SLC7A11: variants seen among roughly 807,000 people sequenced by gnomAD.
SLC7A11 encodes the protein cystine/glutamate transporter.
A neutral mutation model predicts 54.5 loss-of-function variants in SLC7A11; 35 were observed. That is an observed-to-expected ratio of 0.64 (90% CI 0.49 to 0.85). The LOEUF (loss-of-function observed/expected upper bound fraction) is 0.85. Among genes scored for constraint, SLC7A11 ranks in the 40% least tolerant of loss-of-function variants. The pLI is 0.00. For synonymous variants in SLC7A11, 230 were observed against 225.2 expected (o/e 1.02, Z -0.19); for missense variants, 583 against 618.1 (o/e 0.94, Z 0.60).
chr4:138,185,622 G>A (rs1389967586), intron 6 of SLC7A11, among the ~76,000 whole-genome samples: 1 of 152,114 alleles, frequency 6.6e-6, no homozygotes, highest in Non-Finnish European at 1.5e-5. Flanking sequence ...AGTAGGATCT[G>A]CATTCCTTAT....
At chr4:138,241,709 C>T (rs1738383622) in intron 1 of SLC7A11, 84 bp downstream of exon 1, 7 of 1,175,492 alleles carry the variant, frequency 6.0e-6, no homozygotes, top group Non-Finnish European at 7.5e-6. Context: ...CCATTCACTC[C>T]TCAAAAACTA....
chr4:138,191,468 G>A (rs6852562), intron 6 of SLC7A11, among the ~76,000 whole-genome samples: 56,022 of 151,944 alleles, frequency 0.37, 10,811 homozygotes, highest in Middle Eastern at 0.52. Flanking sequence ...CTGCAGGGTT[G>A]AAGGAAGCTC....
At chr4:138,222,288 C>T (rs1357080622) in intron 4 of SLC7A11, among the ~76,000 whole-genome samples, 1 of 152,158 alleles carries the variant, frequency 6.6e-6, no homozygotes, top group African/African-American at 2.4e-5. Flanking sequence ...ATGATTTTAC[C>T]AAACGCTGGC....
At chr4:138,216,612 C>G (rs1737687067) in intron 5 of SLC7A11, among the ~76,000 whole-genome samples, 1 of 152,176 alleles carries the variant, frequency 6.6e-6, no homozygotes, top group Admixed American at 6.6e-5. Context: ...AAAGTTTCAG[C>G]ATTCCTCAGA....
At chr4:138,214,379 C>T (rs553110500) in intron 6 of SLC7A11, among the ~76,000 whole-genome samples, 1 of 150,960 alleles carries the variant, frequency 6.6e-6, no homozygotes, top group African/African-American at 2.4e-5. Context: ...TATAATTAAG[C>T]TATTTGTATA....
intron 4 of SLC7A11, among the ~76,000 whole-genome samples, chr4:138,222,921 CCACTT>C (rs1737850949): frequency 6.9e-6 from 1 of 144,684 alleles, no homozygotes; most frequent in Non-Finnish European, 1.5e-5. Context: ...TTTTTTTTTT[CCACTT>C]CGAGTTTTCA....
intron 1 of SLC7A11, among the ~76,000 whole-genome samples, chr4:138,237,693 T>C (rs1457896437): frequency 4.2e-4 from 34 of 80,354 alleles, no homozygotes; most frequent in Middle Eastern, 0.012. Context: ...CCACTGCGCC[T>C]AGCCAGAATA....
chr4:138,223,324 G>A lies in SLC7A11; in HGVS notation c.521C>T (p.Thr174Ile). ...CATGCTATTTAGGACCATCACTACAGCTGCAAACAAATAGAGGAAGTTACA... is the reference window on the plus strand; with the variant it reads ...CATGCTATTTAGGACCATCACTACAACTGCAAACAAATAGAGGAAGTTACA... ...AIKLITAVGI[T>I]VVMVLNSMSV... Residue 174 changes from threonine to isoleucine, a missense_variant and splice_region_variant, in exon 4 of 12, where the codon ACT (threonine) becomes ATT (isoleucine). Thr to Ile is a moderately conservative substitution (Grantham distance 89). Transcript: ENST00000280612. The A allele has an allele frequency of 2.5e-6, 4 of 1,612,848 alleles. No homozygotes were observed. The highest frequency in any genetic ancestry group is 3.4e-6 in the Non-Finnish European group (4 of 1,179,206).
At position 138,242,031 on chromosome 4, in the gene SLC7A11, TCC is replaced by T; in HGVS notation, c.37_38del (p.Gly13ArgfsTer8). ...RKPVVSTISK[G>X]GYLQGNVNGR... ...CGTTAACATTTCCCTGCAGGTAACCTCCTTTGGAGATGGTGGACACAACAGGC... is the reference window on the plus strand; with the variant it reads ...CGTTAACATTTCCCTGCAGGTAACCTTTTGGAGATGGTGGACACAACAGGC... On this transcript the variant is annotated frameshift_variant, in exon 1 of 12. Coordinates refer to ENST00000280612, the MANE Select transcript of SLC7A11 (RefSeq NM_014331.4). LOFTEE classifies it high-confidence loss of function. 6.2e-7 allele frequency: 1 copy of T among 1,613,980 alleles called. No individual in the cohort carries two copies. Among genetic ancestry groups the T allele is most frequent in the Non-Finnish European group, 8.5e-7 (1 of 1,179,920 alleles).
Position 138,236,372 on chromosome 4 carries a change from A to C in SLC7A11, c.357T>G (p.Gly119=), listed in dbSNP as rs1266999050. Residue 119 remains glycine (G), a synonymous_variant, in exon 2 of 12, where the codon GGT becomes GGG. Coordinates refer to ENST00000280612, the MANE Select transcript of SLC7A11 (RefSeq NM_014331.4). ...GHYTYILEVF[G]PLPAFVRVWV... ...AGACTCGTACAAAAGCTGGTAATGG[A>C]CCAAAGACTTCCAAAATATATGTGT... 6.2e-7 allele frequency: 1 copy of C among 1,613,618 alleles called. No individual in the cohort carries two copies.
At position 138,232,392 on chromosome 4, in the gene SLC7A11, A is replaced by AAT. The variant is rs1416956363; in HGVS notation, c.405-12_405-11dup. 6 of 1,510,684 alleles carry AAT rather than the reference A, an allele frequency of 4.0e-6. No homozygotes were observed. The highest frequency in any genetic ancestry group is 1.7e-5 in the Admixed American group (1 of 58,880). 93.6% of individuals were successfully genotyped at this position (1,510,684 alleles called of 1,614,324 possible). A position where few individuals can be genotyped will look rare whatever the true frequency, so the allele number is the denominator to read the frequency against. ...AGCAGTAGCTGCAGGGCTAAAAAAA[A>AAT]ATGTATATATTTAGGTTAACCACAG... On this transcript the variant is annotated splice_polypyrimidine_tract_variant and intron_variant, in intron 2 of 11. Transcript: ENST00000280612.
intron 3 of SLC7A11, among the ~76,000 whole-genome samples, chr4:138,223,830 T>A (rs896899062): frequency 3.3e-5 from 5 of 152,170 alleles, no homozygotes; most frequent in African/African-American, 9.7e-5. Context: ...GGCAGCACTT[T>A]TCTTTTGGTT....
Position 138,241,673 on chromosome 4 carries a change from T to C in SLC7A11, c.277+120A>G. 3.9e-6 allele frequency: 3 copies of C among 766,510 alleles called. No individual in the cohort carries two copies. In the South Asian group the frequency reaches 5.3e-5, roughly 14 times the overall value. 47.5% of individuals were successfully genotyped at this position (766,510 alleles called of 1,614,324 possible). On this transcript the variant is annotated intron_variant, in intron 1 of 11. Transcript: ENST00000280612. Reference sequence around the variant, plus strand: ...AGTTCACGTACCCGAACAAAAATTTTAAAAATTTGGTGTGGCCTTTGCCAT... The same window carrying C: ...AGTTCACGTACCCGAACAAAAATTTCAAAAATTTGGTGTGGCCTTTGCCAT...
At chr4:138,221,638 A>C (rs1737815102) in intron 4 of SLC7A11, among the ~76,000 whole-genome samples, 1 of 152,214 alleles carries the variant, frequency 6.6e-6, no homozygotes, top group South Asian at 2.1e-4. Flanking sequence ...TCTGTATTTT[A>C]GCCACTAAAA....
chr4:138,223,006 T>G (rs775047951), intron 4 of SLC7A11, among the ~76,000 whole-genome samples, 193 bp downstream of exon 4: 35 of 152,250 alleles, frequency 2.3e-4, no homozygotes, highest in Non-Finnish European at 4.4e-4. Flanking sequence ...TTAATCCTCT[T>G]TCTGCCATTC....
At chr4:138,217,225 C>T (rs995698742) in intron 5 of SLC7A11, among the ~76,000 whole-genome samples, 7 of 152,132 alleles carry the variant, frequency 4.6e-5, no homozygotes, top group African/African-American at 1.7e-4. Context: ...GATAACATTC[C>T]ATTTTAAATC....
intron 11 of SLC7A11, chr4:138,178,136 G>C (rs1188242771): frequency 6.6e-6 from 1 of 152,054 alleles, no homozygotes; most frequent in African/African-American, 2.4e-5. Flanking sequence ...TCCTACCTCA[G>C]TAGGATATTA....
chr4:138,203,629 G>T (rs1289961948), intron 6 of SLC7A11, among the ~76,000 whole-genome samples: 1 of 152,004 alleles, frequency 6.6e-6, no homozygotes, highest in African/African-American at 2.4e-5. Flanking sequence ...AATGATGCAG[G>T]TGTATGAGGC....
rs1736382772 is a variant in SLC7A11 at position 138,170,247 on chromosome 4, T to C, written c.*1709A>G. On this transcript the variant is annotated 3_prime_UTR_variant, in exon 12 of 12. Transcript: ENST00000280612. ...TATATATAAAAAGTGTGTGTGTGTG[T>C]GTGTATATATATATATATATATATA... The C allele has an allele frequency of 1.2e-5, 1 of 85,414 alleles. No homozygotes were observed. The highest frequency in any genetic ancestry group is 1.2e-4 in the Admixed American group (1 of 8,370). The allele number at this position is 85,414 out of a possible 1,614,324, so 5.3% of individuals were successfully genotyped here.
Sources: allele counts gnomAD v4.1 joint callset (sites outside exome capture counted in the v4.1 genomes callset), GRCh38; gene constraint gnomAD v4.1.1; transcripts MANE v1.5; gene names NCBI Gene and HGNC (gene_info 2026-07-23, HGNC 2026-07-21).